Variants in SREBF1 observed in about 807,000 individuals in gnomAD.
SREBF1 encodes sterol regulatory element-binding protein 1.
Under a neutral mutation model 100.1 loss-of-function variants are expected in SREBF1, and 45 were observed. That is an observed-to-expected ratio of 0.45 (90% CI 0.35 to 0.58). The LOEUF is 0.58. SREBF1 is among the 20% of genes least tolerant of loss of function. The pLI, the probability that SREBF1 is intolerant of heterozygous loss-of-function variation, is 0.00. For missense variants in SREBF1, 1,324 were observed against 1,539.4 expected (o/e 0.86, Z 2.34); for synonymous variants, 657 against 681.8 (o/e 0.96, Z 0.57).
At chr17:17,815,067 AG>A in intron 13 of SREBF1, 123 bp from the exon 14 acceptor site, 5 of 1,220,274 alleles carry the variant, frequency 4.1e-6, no homozygotes, top group Non-Finnish European at 5.9e-6. Flanking sequence ...CTCCTCCCAC[AG>A]GCTGGTGGGG....
In SREBF1 at chr17:17,820,106, C is replaced by G. The variant is rs139267544; in HGVS notation, c.507G>C (p.Pro169=). The part of the protein sequence containing the change: ...STPVLGYPSP[P]GGFSTGSPPG... ...CCCCCTTACCTGTAGAGAAGCCTCC[C>G]GGAGGGCTGGGGTAGCCTAACACAG... Residue 169 remains proline (P), a synonymous_variant, in exon 2 of 19, where the codon CCG becomes CCC. Coordinates refer to ENST00000261646, the MANE Select transcript of SREBF1 (RefSeq NM_004176.5). 6 of 1,612,078 alleles carry G rather than the reference C, an allele frequency of 3.7e-6. No homozygotes were observed. In the Admixed American group the frequency reaches 1.0e-4, roughly 27 times the overall value.
rs532671042 is a variant in SREBF1 at position 17,824,403 on chromosome 17, T to C, written c.92-3882A>G. Among the ~76,000 whole-genome samples the C allele has an allele frequency of 6.6e-6, 1 of 152,152 alleles. No homozygotes were observed. The highest frequency in any genetic ancestry group is 1.9e-4 in the East Asian group (1 of 5,166). On this transcript the variant is annotated intron_variant, in intron 1 of 18. Coordinates refer to ENST00000261646, the MANE Select transcript of SREBF1 (RefSeq NM_004176.5). This position sits in a 1 kb window ranked among gnomAD's most constrained non-coding sequence, Gnocchi z 4.2. ...GATGGGTGAAGTCTGCCCCTCCCCC[T>C]CAAGGCCTCACAACCCAGCAGTCAC...
In SREBF1 at chr17:17,811,657, T is replaced by A; in HGVS notation, c.*965A>T. The A allele has an allele frequency of 2.2e-6, 1 of 448,888 alleles. No homozygotes were observed. The highest frequency in any genetic ancestry group is 4.5e-6 in the Non-Finnish European group (1 of 224,268). 27.8% of individuals were successfully genotyped at this position (448,888 alleles called of 1,614,324 possible). A position where few individuals can be genotyped will look rare whatever the true frequency, so the allele number is the denominator to read the frequency against. ...CGGGAGGGAGGAGGCTTCTTTGCTG[T>A]GAGATGACCAGGGGCCGGGATGGGG... On this transcript the variant is annotated 3_prime_UTR_variant, in exon 19 of 19. Transcript: ENST00000261646.
intron 15 of SREBF1, 27 bp downstream of exon 15, chr17:17,814,588 G>C (rs2033337680): frequency 6.5e-7 from 1 of 1,537,704 alleles, no homozygotes; most frequent in Non-Finnish European, 8.7e-7. Context: ...CCCGGGACCA[G>C]GCAGGAGGAA....
chr17:17,824,927 C>A lies in SREBF1; in HGVS notation c.92-4406G>T, dbSNP rs1237589472. ...CTTTGGGAGGTTCAAGGACAACAGA[C>A]GGCCTCTCTAGCATGGCCCAACCCT... is the stretch of plus-strand genomic sequence containing the variant. On this transcript the variant is annotated intron_variant, in intron 1 of 18. Coordinates refer to ENST00000261646, the MANE Select transcript of SREBF1 (RefSeq NM_004176.5). This position sits in a 1 kb window ranked among gnomAD's most constrained non-coding sequence, Gnocchi z 4.2. 1.3e-5 allele frequency among the ~76,000 whole-genome samples: 2 copies of A among 152,190 alleles called. No individual in the cohort carries two copies. The highest frequency in any genetic ancestry group is 4.8e-5 in the African/African-American group (2 of 41,442).
intron 1 of SREBF1, among the ~76,000 whole-genome samples, chr17:17,827,269 G>C (rs762352619): frequency 7.2e-5 from 11 of 152,204 alleles, no homozygotes; most frequent in Non-Finnish European, 1.5e-4. Context: ...GAATGGGTGG[G>C]AAAGGGATTT....
chr17:17,827,454 T>C (rs367891169), intron 1 of SREBF1, among the ~76,000 whole-genome samples: 4 of 152,338 alleles, frequency 2.6e-5, no homozygotes, highest in East Asian at 3.9e-4. Flanking sequence ...GGAGCTGGGC[T>C]GCACCCCACC....
intron 5 of SREBF1, 151 bp downstream of exon 5, chr17:17,818,862 A>T: frequency 1.1e-6 from 1 of 880,360 alleles, no homozygotes; most frequent in Non-Finnish European, 1.8e-6. Context: ...CAGTTTAACT[A>T]AATAAACGAG....
chr17:17,820,818 G>GAGCCCAGGGTCGGGCCCA (rs1399452067), intron 1 of SREBF1: 1 of 476,960 alleles, frequency 2.1e-6, no homozygotes, highest in African/African-American at 2.0e-5. Flanking sequence ...GGCTGGGGCT[G>GAGCCCAGGGTCGGGCCCA]AGCCCAGGGT....
intron 1 of SREBF1, chr17:17,823,433 A>G (rs887972630): frequency 8.3e-6 from 8 of 958,880 alleles, no homozygotes; most frequent in Non-Finnish European, 1.0e-5. Context: ...CAAGTTGCGT[A>G]GCCCGCATGC....
intron 12 of SREBF1, 92 bp from the exon 13 acceptor site, chr17:17,815,421 C>G (rs772073003): frequency 2.7e-5 from 28 of 1,036,516 alleles, no homozygotes; most frequent in Non-Finnish European, 4.0e-5. Context: ...TGGGGCCACA[C>G]CTAGGGCCAC....
intron 1 of SREBF1, 70 bp downstream of exon 1, chr17:17,836,657 A>G (rs1384455901): frequency 2.2e-5 from 32 of 1,461,446 alleles, no homozygotes; most frequent in Non-Finnish European, 2.9e-5. Context: ...GACAAAGGCC[A>G]GGGAGACACC....
chr17:17,822,960 C>T (rs146219051), intron 1 of SREBF1, among the ~76,000 whole-genome samples: 1 of 152,254 alleles, frequency 6.6e-6, no homozygotes, highest in African/African-American at 2.4e-5. Context: ...GGTTTGTGGA[C>T]CCCCCAGGTC....
Position 17,814,761 on chromosome 17 carries a change from A to C in SREBF1, c.2603-14T>G, listed in dbSNP as rs201456097. 2.0e-4 allele frequency: 329 copies of C among 1,611,334 alleles called. 1 individual carries two copies. The highest frequency in any genetic ancestry group is 8.4e-5 in the Admixed American group (5 of 59,844). ...CCGGGTCTACGCCTGCAGAAGAGGG[A>C]GGGTCCCCTGAACCCTCAGTCACGC... On this transcript the variant is annotated splice_polypyrimidine_tract_variant and intron_variant, in intron 14 of 18. Coordinates refer to ENST00000261646, the MANE Select transcript of SREBF1 (RefSeq NM_004176.5).
chr17:17,819,655 G>A lies in SREBF1; in HGVS notation c.594C>T (p.Pro198=), dbSNP rs770464344. The change falls in exon 3 of 19, where the codon CCC becomes CCT. Residue 198 remains proline, a synonymous_variant. Transcript: ENST00000261646. The part of the protein sequence containing the change: ...LPLASPPGVP[P]VSLHTQVQSV... ...TCTGGACCTGGGTGTGCAAGGAGACGGGCGGGACCCCTGGCGGGGAAGCCA... is the reference window on the plus strand; with the variant it reads ...TCTGGACCTGGGTGTGCAAGGAGACAGGCGGGACCCCTGGCGGGGAAGCCA... 1.2e-5 allele frequency: 20 copies of A among 1,612,470 alleles called. No homozygotes were observed. The highest frequency in any genetic ancestry group is 1.7e-5 in the Admixed American group (1 of 59,966).
Position 17,817,833 on chromosome 17 carries a change from C to G in SREBF1, c.1267G>C (p.Asp423His). 6.2e-7 allele frequency: 1 copy of G among 1,610,866 alleles called. No individual in the cohort carries two copies. The highest frequency in any genetic ancestry group is 8.5e-7 in the Non-Finnish European group (1 of 1,179,994). Residue 423 changes from aspartate to histidine, a missense_variant, in exon 7 of 19, where the codon GAC (aspartate) becomes CAC (histidine). Asp to His is a moderately conservative substitution (Grantham distance 81). Coordinates refer to ENST00000261646, the MANE Select transcript of SREBF1 (RefSeq NM_004176.5). The surrounding 1 kb of genome is among the most constrained non-coding windows in gnomAD (Gnocchi z 6.6). ...TCCGAGGGGGGTGGGGTCAGTGTGT[C>G]CTCCACCTCAGTCTTCACGCCCTCC... ...LMEGVKTEVE[D>H]TLTPPPSDAG... is the part of the protein sequence containing the mutation.
At chr17:17,813,827 T>TG in intron 16 of SREBF1, 58 bp from the exon 17 acceptor site, 1 of 1,494,108 alleles carries the variant, frequency 6.7e-7, no homozygotes. Flanking sequence ...AGGGGCAGGA[T>TG]GGGGGCCCGT....
intron 1 of SREBF1, chr17:17,823,573 G>T (rs761290771): frequency 6.2e-7 from 1 of 1,613,374 alleles, no homozygotes; most frequent in Non-Finnish European, 8.5e-7. Flanking sequence ...GGGCGTCCAG[G>T]CCGTTGGCCC....
intron 1 of SREBF1, among the ~76,000 whole-genome samples, chr17:17,836,308 G>T (rs944139615): frequency 6.6e-6 from 1 of 152,270 alleles, no homozygotes; most frequent in Admixed American, 6.5e-5. Flanking sequence ...TGAACTCTCG[G>T]GCCGGAGGGA....
Sources: allele counts gnomAD v4.1 joint callset (sites outside exome capture counted in the v4.1 genomes callset), GRCh38; gene constraint gnomAD v4.1.1; non-coding constraint Gnocchi (gnomAD v3.1); transcripts MANE v1.5; gene names NCBI Gene and HGNC (gene_info 2026-07-23, HGNC 2026-07-21).